LRMDA: variants seen among roughly 807,000 people sequenced by gnomAD.
LRMDA encodes the protein leucine-rich melanocyte differentiation-associated protein.
A neutral mutation model predicts 29.8 loss-of-function variants in LRMDA; 18 were observed. The observed-to-expected ratio is 0.60, with a 90% confidence interval of 0.42 to 0.90. LRMDA has a LOEUF of 0.90. Among genes scored for constraint, LRMDA ranks in the 40% least tolerant of loss-of-function variants. The pLI is 0.00. For missense variants in LRMDA, 273 were observed against 273.9 expected (o/e 1.00, Z 0.02); for synonymous variants, 125 against 109.4 (o/e 1.14, Z -0.89).
intron 5 of LRMDA, among the ~76,000 whole-genome samples, chr10:76,260,146 T>C (rs937833621): frequency 6.6e-6 from 1 of 152,170 alleles, no homozygotes; most frequent in Non-Finnish European, 1.5e-5. Flanking sequence ...TTGTTTGGTA[T>C]ATTTTGTTCT....
At chr10:75,984,838 T>C (rs1847236808) in intron 2 of LRMDA, among the ~76,000 whole-genome samples, 1 of 152,220 alleles carries the variant, frequency 6.6e-6, no homozygotes, top group African/African-American at 2.4e-5. Context: ...ACGTAAGCTG[T>C]TGGACTCTTC....
chr10:75,867,873 A>G (rs1405838853), intron 2 of LRMDA, among the ~76,000 whole-genome samples: 1 of 152,174 alleles, frequency 6.6e-6, no homozygotes, highest in Non-Finnish European at 1.5e-5. Flanking sequence ...TGTTGCAACT[A>G]TTCAAGTCTG....
intron 2 of LRMDA, among the ~76,000 whole-genome samples, chr10:75,704,380 A>G (rs1041581935): frequency 2.6e-5 from 4 of 152,158 alleles, no homozygotes; most frequent in Admixed American, 6.5e-5. Context: ...TTGCATTATT[A>G]TTTTGTACTC....
intron 2 of LRMDA, among the ~76,000 whole-genome samples, chr10:75,588,813 G>A (rs895564418): frequency 1.3e-5 from 2 of 151,892 alleles, no homozygotes; most frequent in African/African-American, 4.8e-5. Context: ...ATATGTATAA[G>A]CAAGCATATT....
At chr10:76,181,525 A>C (rs1344940882) in intron 5 of LRMDA, among the ~76,000 whole-genome samples, 1 of 152,150 alleles carries the variant, frequency 6.6e-6, no homozygotes, top group East Asian at 1.9e-4. Flanking sequence ...GGAAGAGTAC[A>C]TTTATTTGGA....
chr10:75,684,938 G>A (rs1589157094), intron 2 of LRMDA, among the ~76,000 whole-genome samples: 1 of 152,224 alleles, frequency 6.6e-6, no homozygotes, highest in African/African-American at 2.4e-5. Flanking sequence ...CTCTGCAAGT[G>A]TGGCCAGGCA....
intron 6 of LRMDA, among the ~76,000 whole-genome samples, chr10:76,365,413 G>A (rs1419616962): frequency 6.6e-6 from 1 of 151,902 alleles, no homozygotes; most frequent in Non-Finnish European, 1.5e-5. Context: ...AACATCTACT[G>A]TTTTTTGATT....
At chr10:76,113,622 C>A (rs1211277124) in intron 5 of LRMDA, among the ~76,000 whole-genome samples, 5 of 152,072 alleles carry the variant, frequency 3.3e-5, no homozygotes, top group Non-Finnish European at 5.9e-5. Flanking sequence ...TCATCCATAG[C>A]AGAAAGGGCA....
At chr10:75,689,036 A>G (rs897994099) in intron 2 of LRMDA, among the ~76,000 whole-genome samples, 1 of 152,144 alleles carries the variant, frequency 6.6e-6, no homozygotes, top group Non-Finnish European at 1.5e-5. Context: ...GGAAACAAAA[A>G]AAAAACCCAA....
Position 75,957,866 on chromosome 10 carries a change from C to T in LRMDA, c.132-78142C>T, listed in dbSNP as rs138063283. On this transcript the variant is annotated intron_variant, in intron 2 of 6. Coordinates refer to ENST00000611255, the MANE Select transcript of LRMDA (RefSeq NM_001305581.2). Reference sequence around the variant, plus strand: ...GATGGATGAGTTAGCTCCATCTGGTCGCAGTATATGTAATAAATAGCTGTG... The same window carrying T: ...GATGGATGAGTTAGCTCCATCTGGTTGCAGTATATGTAATAAATAGCTGTG... Among the ~76,000 whole-genome samples the T allele has an allele frequency of 3.4e-4, 51 of 152,152 alleles. No homozygotes were observed. The East Asian group carries it at 5.8e-3, about 17-fold the overall frequency.
chr10:76,330,442 C>T (rs1435735422), intron 6 of LRMDA, among the ~76,000 whole-genome samples: 1 of 152,164 alleles, frequency 6.6e-6, no homozygotes, highest in East Asian at 1.9e-4. Context: ...ATGTAGCATT[C>T]CTTCCCCTGG....
rs372973052 is a variant in LRMDA at position 75,689,504 on chromosome 10, A to G, written c.131+251010A>G. ...GGATCCCTGAAATACTTGTCCCACA[A>G]TTGTTGGGGGAGCCAGCCTTTGCCC... On this transcript the variant is annotated intron_variant, in intron 2 of 6. Coordinates refer to ENST00000611255, the MANE Select transcript of LRMDA (RefSeq NM_001305581.2). Among the ~76,000 whole-genome samples, 7 of 152,256 alleles carry G rather than the reference A, an allele frequency of 4.6e-5. No individual in the cohort carries two copies. In the East Asian group the frequency reaches 1.2e-3, roughly 25 times the overall value.
intron 2 of LRMDA, among the ~76,000 whole-genome samples, chr10:75,465,323 C>T (rs1333741786): frequency 1.3e-5 from 2 of 152,310 alleles, no homozygotes; most frequent in African/African-American, 2.4e-5. Flanking sequence ...TGTCCTTGCA[C>T]ATGTCTTCTG....
chr10:76,254,300 T>TATACTATACCATACCATACCATACC lies in LRMDA; in HGVS notation c.517-70097_517-70096insTATACCATACCATACCATACCATAC, dbSNP rs66939986. Among the ~76,000 whole-genome samples, 460 of 90,602 alleles carry TATACTATACCATACCATACCATACC rather than the reference T, an allele frequency of 5.1e-3. 10 individuals are homozygous for TATACTATACCATACCATACCATACC. The highest frequency in any genetic ancestry group is 0.016 in the Middle Eastern group (3 of 188). 59.4% of individuals were successfully genotyped at this position (90,602 alleles called of 152,430 possible). A position where few individuals can be genotyped will look rare whatever the true frequency, so the allele number is the denominator to read the frequency against. On this transcript the variant is annotated intron_variant, in intron 5 of 6. Coordinates refer to ENST00000611255, the MANE Select transcript of LRMDA (RefSeq NM_001305581.2). ...TGGAAATTACTATACTATACTATACTATACCATACCATACCATACCATACC... is the reference window on the plus strand; with the variant it reads ...TGGAAATTACTATACTATACTATACTATACTATACCATACCATACCATACCATACCATACCATACCATACCATACC...
intron 2 of LRMDA, among the ~76,000 whole-genome samples, chr10:75,737,710 G>A (rs1424776514): frequency 6.6e-6 from 1 of 152,068 alleles, no homozygotes; most frequent in Non-Finnish European, 1.5e-5. Context: ...CTGTTCTTCG[G>A]TGCTGATAAT....
At chr10:76,277,462 C>T (rs1840149765) in intron 5 of LRMDA, among the ~76,000 whole-genome samples, 1 of 152,102 alleles carries the variant, frequency 6.6e-6, no homozygotes, top group Admixed American at 6.5e-5. Flanking sequence ...CAGCTGAGCC[C>T]CTCTTTTATT....
At chr10:76,148,902 A>G (rs1850385000) in intron 5 of LRMDA, among the ~76,000 whole-genome samples, 1 of 152,192 alleles carries the variant, frequency 6.6e-6, no homozygotes, top group African/African-American at 2.4e-5. Flanking sequence ...CACATGACCT[A>G]GAGTTTCTCT....
chr10:76,288,467 G>A (rs1351013718), intron 5 of LRMDA, among the ~76,000 whole-genome samples: 1 of 152,126 alleles, frequency 6.6e-6, no homozygotes, highest in Non-Finnish European at 1.5e-5. Context: ...ACAGGCATGG[G>A]CAAAGATTTC....
intron 2 of LRMDA, among the ~76,000 whole-genome samples, chr10:75,472,342 C>A (rs1379729913): frequency 6.6e-6 from 1 of 152,150 alleles, no homozygotes; most frequent in Non-Finnish European, 1.5e-5. Flanking sequence ...ATGTACCAGG[C>A]ACTGTCCAGC....
Sources: gnomAD v4.1 joint callset for allele counts (sites outside exome capture counted in the v4.1 genomes callset) on GRCh38, gnomAD v4.1.1 for gene constraint, MANE v1.5 for transcripts, NCBI Gene and HGNC (gene_info 2026-07-23, HGNC 2026-07-21) for gene names.